The following KAT2B variants were observed in gnomAD, a reference collection of about 807,000 sequenced individuals.
KAT2B encodes the protein lysine acetyltransferase 2B, also known as histone acetyltransferase KAT2B.
Under a neutral mutation model 105.9 loss-of-function variants are expected in KAT2B, and 36 were observed. That is an observed-to-expected ratio of 0.34 (90% CI 0.26 to 0.45). KAT2B has a LOEUF of 0.45. Among genes scored for constraint, KAT2B ranks in the 20% least tolerant of loss-of-function variants. The pLI is 1.00. For missense variants in KAT2B, 820 were observed against 1,021.6 expected (o/e 0.80, Z 2.69); for synonymous variants, 397 against 377.9 (o/e 1.05, Z -0.59).
intron 13 of KAT2B, 146 bp from the exon 14 acceptor site, chr3:20,146,166 TCTTA>T (rs1181863820): frequency 2.3e-5 from 14 of 604,780 alleles, no homozygotes; most frequent in African/African-American, 5.5e-5. Context: ...TCTGTTCATT[TCTTA>T]CTTGTTAAAT....
At chr3:20,106,852 AG>A (rs1431573201) in intron 5 of KAT2B, among the ~76,000 whole-genome samples, 1 of 150,356 alleles carries the variant, frequency 6.7e-6, no homozygotes, top group Non-Finnish European at 1.5e-5. Flanking sequence ...AGCACTGTCC[AG>A]TAGATATATA....
chr3:20,108,072 A>G (rs1175639063), intron 5 of KAT2B, among the ~76,000 whole-genome samples: 3 of 151,920 alleles, frequency 2.0e-5, no homozygotes, highest in Non-Finnish European at 4.4e-5. Flanking sequence ...AACTTCCCAA[A>G]GTCCTGGGAT....
At chr3:20,136,547 T>C (rs74849812) in intron 11 of KAT2B, among the ~76,000 whole-genome samples, 1 of 152,130 alleles carries the variant, frequency 6.6e-6, no homozygotes, top group Non-Finnish European at 1.5e-5. Flanking sequence ...CTTTTTTTTT[T>C]CTTCTGAGAT....
At chr3:20,043,194 A>G (rs1697749490) in intron 1 of KAT2B, among the ~76,000 whole-genome samples, 2 of 152,174 alleles carry the variant, frequency 1.3e-5, no homozygotes, top group South Asian at 4.1e-4. Flanking sequence ...ATGGGCCACC[A>G]TGCCTGGCTG....
At chr3:20,140,509 C>T in intron 13 of KAT2B, 145 bp downstream of exon 13, 1 of 764,960 alleles carries the variant, frequency 1.3e-6, no homozygotes, top group Non-Finnish European at 2.1e-6. Flanking sequence ...TTCTCTCTCT[C>T]TTTTTTGACA....
intron 5 of KAT2B, among the ~76,000 whole-genome samples, chr3:20,103,642 C>G (rs1444439102): frequency 6.6e-6 from 1 of 152,114 alleles, no homozygotes; most frequent in Non-Finnish European, 1.5e-5. Context: ...CTCCTGACCT[C>G]AAGCAATCCT....
At chr3:20,044,616 C>T (rs1010608215) in intron 1 of KAT2B, among the ~76,000 whole-genome samples, 1 of 152,020 alleles carries the variant, frequency 6.6e-6, no homozygotes, top group African/African-American at 2.4e-5. Context: ...AGGGGCTTTG[C>T]ACATGCTGTT....
In KAT2B at chr3:20,040,627, C is replaced by CTCCA; in HGVS notation, c.150_151insTCCA (p.Ala51SerfsTer58). The stretch of plus-strand genomic sequence containing the variant: ...GCGCCGCTGCCGCCGGGGGCTCGGG[C>CTCCA]GCCTGCGGTCCGGCGACGGCAGTGG... On this transcript the variant is annotated frameshift_variant, in exon 1 of 18. Transcript: ENST00000263754. LOFTEE classifies it high-confidence loss of function. 7.4e-7 allele frequency: 1 copy of CTCCA among 1,355,228 alleles called. No individual in the cohort carries two copies. Among genetic ancestry groups the CTCCA allele is most frequent in the Non-Finnish European group, 9.5e-7 (1 of 1,055,678 alleles). 84.0% of individuals were successfully genotyped at this position (1,355,228 alleles called of 1,614,324 possible).
At chr3:20,113,419 A>C (rs1448853483) in intron 6 of KAT2B, among the ~76,000 whole-genome samples, 1 of 152,220 alleles carries the variant, frequency 6.6e-6, no homozygotes, top group African/African-American at 2.4e-5. Flanking sequence ...TTTTTCCCAT[A>C]ACAAATTCAT....
intron 6 of KAT2B, 47 bp downstream of exon 6, chr3:20,111,834 G>A (rs776396620): frequency 2.7e-6 from 4 of 1,469,160 alleles, no homozygotes; most frequent in Non-Finnish European, 3.8e-6. Flanking sequence ...AGAGCTTGAG[G>A]TTGCTAAATA....
chr3:20,089,130 T>A (rs1243818835), intron 2 of KAT2B, among the ~76,000 whole-genome samples: 1 of 152,212 alleles, frequency 6.6e-6, no homozygotes, highest in Non-Finnish European at 1.5e-5. Context: ...TTGAGATAGC[T>A]TTGTAGTAGA....
chr3:20,043,270 G>T (rs1409667203), intron 1 of KAT2B, among the ~76,000 whole-genome samples: 1 of 152,148 alleles, frequency 6.6e-6, no homozygotes. Flanking sequence ...CTGGGTGTCA[G>T]GCATTGGGCT....
chr3:20,098,166 G>A (rs940951736), intron 3 of KAT2B, among the ~76,000 whole-genome samples: 3 of 151,612 alleles, frequency 2.0e-5, no homozygotes, highest in African/African-American at 7.3e-5. Flanking sequence ...GGATGCAGAG[G>A]TTGCCATGAG....
At position 20,086,151 on chromosome 3, in the gene KAT2B, A is replaced by AC. The variant is rs1328052758; in HGVS notation, c.431-9112_431-9111insC. Among the ~76,000 whole-genome samples, 151 of 152,274 alleles carry AC rather than the reference A, an allele frequency of 9.9e-4. 2 individuals carry two copies. The East Asian group carries it at 0.027, about 27-fold the overall frequency. On this transcript the variant is annotated intron_variant, in intron 2 of 17. Coordinates refer to ENST00000263754, the MANE Select transcript of KAT2B (RefSeq NM_003884.5). ...GCTGGGCATGATGGTATGCACCTGT[A>AC]GTCCCAGCTATTTGGGAGACTGAGG... is the stretch of plus-strand genomic sequence containing the variant.
chr3:20,081,838 A>G lies in KAT2B; in HGVS notation c.430+9379A>G, dbSNP rs541746203. ...TCCCATAAATCCTTTCCCTAGATTT[A>G]CCTATTAGTAACATTTTATTTTATT... is the stretch of plus-strand genomic sequence containing the variant. On this transcript the variant is annotated intron_variant, in intron 2 of 17. Transcript: ENST00000263754. Among the ~76,000 whole-genome samples, 21 of 147,068 alleles carry G rather than the reference A, an allele frequency of 1.4e-4. No homozygotes were observed. In the East Asian group the frequency reaches 4.2e-3, roughly 29 times the overall value.
chr3:20,139,872 C>T (rs1352076962), intron 12 of KAT2B, among the ~76,000 whole-genome samples: 2 of 152,148 alleles, frequency 1.3e-5, no homozygotes, highest in Non-Finnish European at 2.9e-5. Flanking sequence ...TCCTGGGGAC[C>T]CCCTCACCAC....
At chr3:20,054,050 G>T (rs566472075) in intron 1 of KAT2B, among the ~76,000 whole-genome samples, 1 of 152,094 alleles carries the variant, frequency 6.6e-6, no homozygotes, top group Non-Finnish European at 1.5e-5. Flanking sequence ...CATCCTCCTC[G>T]GCCTCCCAAA....
intron 7 of KAT2B, among the ~76,000 whole-genome samples, chr3:20,116,504 T>G (rs1699209261): frequency 3.9e-5 from 6 of 152,174 alleles, no homozygotes; most frequent in Admixed American, 3.9e-4. Flanking sequence ...AGTGTGAGAT[T>G]ATTGTCCTGG....
chr3:20,147,356 G>GT (rs72120274), intron 14 of KAT2B, among the ~76,000 whole-genome samples: 219 of 141,824 alleles, frequency 1.5e-3, no homozygotes, highest in African/African-American at 2.0e-3. Context: ...ATCTGTTTTT[G>GT]TTTTTTTTTT....
Sources: gnomAD v4.1 joint callset for allele counts (sites outside exome capture counted in the v4.1 genomes callset) on GRCh38, gnomAD v4.1.1 for gene constraint, MANE v1.5 for transcripts, NCBI Gene and HGNC (gene_info 2026-07-23, HGNC 2026-07-21) for gene names.